HPSE2: variants seen among roughly 807,000 people sequenced by gnomAD.
HPSE2 encodes the protein inactive heparanase-2.
HPSE2 carries 38 observed loss-of-function variants against 60.5 expected under a neutral mutation model. The ratio of observed to expected loss-of-function variants is 0.63; its 90% CI spans 0.48 to 0.82. HPSE2 has a LOEUF of 0.82. Among genes scored for constraint, HPSE2 ranks in the 40% least tolerant of loss-of-function variants. HPSE2 has a pLI of 0.00. For synonymous variants in HPSE2, 295 were observed against 293.2 expected (o/e 1.01, Z -0.06); for missense variants, 713 against 740.4 (o/e 0.96, Z 0.43).
intron 3 of HPSE2, among the ~76,000 whole-genome samples, chr10:99,079,702 G>A (rs1401800042): frequency 1.3e-5 from 2 of 152,114 alleles, no homozygotes; most frequent in African/African-American, 4.8e-5. Context: ...GGCATTGGAT[G>A]TGTGGTCCAA....
intron 3 of HPSE2, among the ~76,000 whole-genome samples, chr10:98,949,250 G>GCA (rs35314282): frequency 0.093 from 14,063 of 150,890 alleles, 1,208 homozygotes; most frequent in African/African-American, 0.23. Context: ...ACGCATGCGT[G>GCA]CACACACACA....
intron 9 of HPSE2, among the ~76,000 whole-genome samples, chr10:98,505,504 A>G (rs996309842): frequency 5.3e-5 from 8 of 152,142 alleles, no homozygotes; most frequent in Non-Finnish European, 1.2e-4. Context: ...TCCCTCCACC[A>G]GTGTCCGTAT....
At chr10:98,699,800 G>C (rs998967915) in intron 5 of HPSE2, among the ~76,000 whole-genome samples, 2 of 125,754 alleles carry the variant, frequency 1.6e-5, no homozygotes, top group African/African-American at 5.4e-5. Context: ...AAAGTCTCAG[G>C]ATACAAAATC....
chr10:98,766,041 C>A (rs1015868742), intron 3 of HPSE2, among the ~76,000 whole-genome samples: 3 of 151,842 alleles, frequency 2.0e-5, no homozygotes, highest in Non-Finnish European at 2.9e-5. Flanking sequence ...CTCTAACAGA[C>A]CAAAAACGAG....
At chr10:98,675,563 CACACACACACACACAA>C (rs1218942684) in intron 6 of HPSE2, among the ~76,000 whole-genome samples, 2 of 151,618 alleles carry the variant, frequency 1.3e-5, no homozygotes, top group African/African-American at 2.4e-5. Flanking sequence ...CACACACACA[CACACACACACACACAA>C]TAACCAGCCA....
At chr10:98,630,628 C>A (rs1946344501) in intron 7 of HPSE2, among the ~76,000 whole-genome samples, 1 of 151,816 alleles carries the variant, frequency 6.6e-6, no homozygotes, top group African/African-American at 2.4e-5. Context: ...AAAGTTAATT[C>A]TTTTATCCTC....
At chr10:98,722,471 A>C (rs1411883897) in intron 4 of HPSE2, among the ~76,000 whole-genome samples, 1 of 152,038 alleles carries the variant, frequency 6.6e-6, no homozygotes, top group Non-Finnish European at 1.5e-5. Context: ...AAAATATCAG[A>C]GAAGCAATTT....
rs147809227 is a variant in HPSE2, at chr10:98,870,120, G to C, written c.611-126064C>G. 1.7e-3 allele frequency among the ~76,000 whole-genome samples: 252 copies of C among 152,258 alleles called. 2 individuals carry two copies. Among genetic ancestry groups the C allele is most frequent in the African/African-American group, 5.6e-3 (234 of 41,560 alleles). ...TAATAGGTCACATATAATGTAGAAA[G>C]ATGTCAGAAAATAACAAACTATCCA... is the stretch of plus-strand genomic sequence containing the variant. On this transcript the variant is annotated intron_variant, in intron 3 of 11. Transcript: ENST00000370552.
chr10:98,532,666 T>C (rs1399938777), intron 9 of HPSE2, among the ~76,000 whole-genome samples: 5 of 152,198 alleles, frequency 3.3e-5, no homozygotes, highest in African/African-American at 9.6e-5. Flanking sequence ...TCTCCAATAA[T>C]AATTGTTGGA....
chr10:98,938,099 C>T (rs1182600490), intron 3 of HPSE2, among the ~76,000 whole-genome samples: 1 of 142,996 alleles, frequency 7.0e-6, no homozygotes, highest in Non-Finnish European at 1.5e-5. Flanking sequence ...ACATCACCAT[C>T]ATCAAAGACC....
At chr10:98,672,942 A>G (rs946404510) in intron 6 of HPSE2, among the ~76,000 whole-genome samples, 9 of 152,168 alleles carry the variant, frequency 5.9e-5, no homozygotes, top group Non-Finnish European at 1.2e-4. Flanking sequence ...GAGGAAGTGG[A>G]ATATATTATC....
intron 3 of HPSE2, chr10:99,013,765 T>A (rs10883246): frequency 4.1e-6 from 1 of 242,406 alleles, no homozygotes; most frequent in East Asian, 1.2e-4. Context: ...AGCTACCAGC[T>A]GGAAACATGT....
chr10:98,782,792 C>A (rs1950503230), intron 3 of HPSE2, among the ~76,000 whole-genome samples: 1 of 60,258 alleles, frequency 1.7e-5, no homozygotes, highest in Non-Finnish European at 4.9e-5. Context: ...TGTAGGGCTC[C>A]TGACTATATA....
chr10:99,114,709 T>C (rs2135689974), intron 3 of HPSE2, among the ~76,000 whole-genome samples: 1 of 151,938 alleles, frequency 6.6e-6, no homozygotes, highest in African/African-American at 2.4e-5. Flanking sequence ...GGTCAGGACA[T>C]CGAGACCATC....
chr10:99,087,734 C>G (rs1843373337), intron 3 of HPSE2, among the ~76,000 whole-genome samples: 1 of 152,104 alleles, frequency 6.6e-6, no homozygotes. Context: ...ATTTCTGGAT[C>G]TACCCCCTAT....
At chr10:98,555,559 TA>T (rs1375596371) in intron 9 of HPSE2, among the ~76,000 whole-genome samples, 2 of 152,248 alleles carry the variant, frequency 1.3e-5, no homozygotes, top group Non-Finnish European at 2.9e-5. Context: ...GCAGTTACAG[TA>T]AAGTCTTTGC....
At chr10:98,615,506 T>C (rs993516660) in intron 8 of HPSE2, among the ~76,000 whole-genome samples, 1 of 152,200 alleles carries the variant, frequency 6.6e-6, no homozygotes, top group Non-Finnish European at 1.5e-5. Context: ...TATAGTCTAG[T>C]CATTAGCAAC....
intron 3 of HPSE2, among the ~76,000 whole-genome samples, chr10:98,748,914 G>A (rs566239677): frequency 1.3e-5 from 2 of 152,110 alleles, no homozygotes; most frequent in African/African-American, 4.8e-5. Context: ...CAAACAGTGA[G>A]GTTAGAAATT....
At chr10:98,796,881 G>T (rs1044343456) in intron 3 of HPSE2, among the ~76,000 whole-genome samples, 1 of 152,188 alleles carries the variant, frequency 6.6e-6, no homozygotes, top group Non-Finnish European at 1.5e-5. Context: ...AAGAGTCTCT[G>T]CTTGGTAATC....
Sources: gnomAD v4.1 joint callset for allele counts (sites outside exome capture counted in the v4.1 genomes callset) on GRCh38, gnomAD v4.1.1 for gene constraint, MANE v1.5 for transcripts, NCBI Gene and HGNC (gene_info 2026-07-23, HGNC 2026-07-21) for gene names.